The following NUP155 variants were observed in gnomAD, a reference collection of about 807,000 sequenced individuals.
NUP155 encodes nucleoporin 155.
Under a neutral mutation model 180.4 loss-of-function variants are expected in NUP155, and 71 were observed. The observed-to-expected ratio is 0.39, with a 90% confidence interval of 0.33 to 0.48. The LOEUF (loss-of-function observed/expected upper bound fraction) is 0.48, where lower values mean the gene tolerates loss of function less well. Among genes scored for constraint, NUP155 ranks in the 20% least tolerant of loss-of-function variants. The probability of loss-of-function intolerance (pLI) is 0.91; values close to 1 mark genes in which losing one functional copy is unlikely to be tolerated. For missense variants in NUP155, 1,553 were observed against 1,648.9 expected, an observed-to-expected ratio of 0.94 and a Z score of 1.01; for synonymous variants, 582 against 559.5, an observed-to-expected ratio of 1.04 and a Z score of -0.57.
chr5:37,311,936 G>A, intron 22 of NUP155, among the ~76,000 whole-genome samples: 1 of 152,190 alleles, frequency 6.6e-6, no homozygotes, highest in East Asian at 1.9e-4. Context: ...CAGGAGAACT[G>A]CTTGTACCCG....
In NUP155 at chr5:37,290,093, A is replaced by C. The variant is rs111275101; in HGVS notation, c.*1807T>G. 7.0e-4 allele frequency: 106 copies of C among 152,342 alleles called. No individual in the cohort carries two copies. The highest frequency in any genetic ancestry group is 2.5e-3 in the African/African-American group (104 of 41,590). The allele number at this position is 152,342 out of a possible 1,614,324, so 9.4% of individuals were successfully genotyped here. A position where few individuals can be genotyped will look rare whatever the true frequency, so the allele number is the denominator to read the frequency against. ...GGTCTTGGGAAAAGACAATAATGGA[A>C]GGAAAAATATATTCAAAATGTATTG... On this transcript the variant is annotated 3_prime_UTR_variant, in exon 35 of 35. Transcript: ENST00000231498.
At position 37,301,457 on chromosome 5, in the gene NUP155, CAGAATCCAGCTG is replaced by C; in HGVS notation, c.3529_3540del (p.Gln1177_Ser1180del). 6.2e-7 allele frequency: 1 copy of C among 1,609,474 alleles called. No homozygotes were observed. Among genetic ancestry groups the C allele is most frequent in the Non-Finnish European group, 8.5e-7 (1 of 1,175,840 alleles). On this transcript the variant is annotated inframe_deletion, in exon 30 of 35. Coordinates refer to ENST00000231498, the MANE Select transcript of NUP155 (RefSeq NM_153485.3). ...ATTACCTTAGTTATGTCCATCAGCT[CAGAATCCAGCTG>C]AGAAACTGCATCCTGTACAGAAGAA...
At chr5:37,364,045 A>C in intron 2 of NUP155, 61 bp from the exon 3 acceptor site, 1 of 1,343,028 alleles carries the variant, frequency 7.4e-7, no homozygotes, top group African/African-American at 1.4e-5. Context: ...AACTTGTTTC[A>C]ATAGCTTTTG....
rs575781697 is a variant in NUP155 at position 37,327,903 on chromosome 5, C to A, written c.1877-127G>T. On this transcript the variant is annotated intron_variant, in intron 17 of 34. Coordinates refer to ENST00000231498, the MANE Select transcript of NUP155 (RefSeq NM_153485.3). ...CCCATAAAATTCAGAATTCTCATAA[C>A]CCAAGTTTGTGTATCTAGACACAAA... 1.3e-5 allele frequency: 13 copies of A among 1,033,816 alleles called. No individual in the cohort carries two copies. In the African/African-American group the frequency reaches 1.9e-4, roughly 15 times the overall value. 64.0% of individuals were successfully genotyped at this position (1,033,816 alleles called of 1,614,324 possible).
At chr5:37,319,973 A>G (rs1468573669) in intron 20 of NUP155, among the ~76,000 whole-genome samples, 1 of 150,682 alleles carries the variant, frequency 6.6e-6, no homozygotes, top group Non-Finnish European at 1.5e-5. Context: ...ACTTGAGGCC[A>G]AGAGTTTTAG....
intron 11 of NUP155, among the ~76,000 whole-genome samples, chr5:37,339,858 A>G (rs768153994): frequency 1.3e-5 from 2 of 152,068 alleles, no homozygotes; most frequent in Non-Finnish European, 2.9e-5. Context: ...TCACTTCCCC[A>G]GTTCAAGCGA....
chr5:37,354,457 C>CT (rs34505360), intron 4 of NUP155, among the ~76,000 whole-genome samples: 2,406 of 114,976 alleles, frequency 0.021, 56 homozygotes, highest in African/African-American at 0.053. Context: ...TTTATTTCTT[C>CT]TTTTTTTTTT....
At chr5:37,366,949 C>T (rs1008903360) in intron 1 of NUP155, among the ~76,000 whole-genome samples, 2 of 152,014 alleles carry the variant, frequency 1.3e-5, no homozygotes, top group African/African-American at 2.4e-5. Flanking sequence ...CGTGCCCGGC[C>T]GGTCTCAATC....
intron 30 of NUP155, among the ~76,000 whole-genome samples, chr5:37,300,285 T>G (rs981506829): frequency 4.6e-5 from 7 of 152,244 alleles, no homozygotes; most frequent in African/African-American, 1.7e-4. Context: ...CCTTTTGAGT[T>G]ACAAATAATC....
intron 9 of NUP155, among the ~76,000 whole-genome samples, chr5:37,343,499 A>C (rs959429873): frequency 6.6e-6 from 1 of 152,072 alleles, no homozygotes; most frequent in Non-Finnish European, 1.5e-5. Flanking sequence ...GAGTAACCCT[A>C]TTTTCAAACA....
intron 20 of NUP155, among the ~76,000 whole-genome samples, chr5:37,319,599 C>G (rs181879362): frequency 6.6e-6 from 1 of 152,280 alleles, no homozygotes; most frequent in Non-Finnish European, 1.5e-5. Flanking sequence ...GTGCGGATGG[C>G]TCATGCCTAA....
At chr5:37,294,613 T>C in intron 32 of NUP155, 148 bp from the exon 33 acceptor site, 3 of 720,166 alleles carry the variant, frequency 4.2e-6, no homozygotes, top group Non-Finnish European at 7.1e-6. Context: ...TTTGCTATGT[T>C]GCCCAGACTA....
In NUP155 at chr5:37,291,759, T is replaced by C; in HGVS notation, c.*141A>G. On this transcript the variant is annotated 3_prime_UTR_variant, in exon 35 of 35. Transcript: ENST00000231498. ...AAGAATTCATTTAGCAAAGGTACTATTTGTAGATATTAGCCACTTATTAAA... is the reference window on the plus strand; with the variant it reads ...AAGAATTCATTTAGCAAAGGTACTACTTGTAGATATTAGCCACTTATTAAA... 1.4e-6 allele frequency: 1 copy of C among 708,120 alleles called. No individual in the cohort carries two copies. The highest frequency in any genetic ancestry group is 2.8e-5 in the East Asian group (1 of 36,344). 43.9% of individuals were successfully genotyped at this position (708,120 alleles called of 1,614,324 possible). A position where few individuals can be genotyped will look rare whatever the true frequency, so the allele number is the denominator to read the frequency against.
intron 9 of NUP155, among the ~76,000 whole-genome samples, chr5:37,345,701 G>A (rs115278952): frequency 3.3e-5 from 5 of 151,782 alleles, no homozygotes; most frequent in Non-Finnish European, 5.9e-5. Context: ...TCAGGAGTTC[G>A]TAACCATCCT....
In NUP155 at chr5:37,337,810, T is replaced by A. The variant is rs749316007; in HGVS notation, c.1347+8A>T. 2 of 1,555,286 alleles carry A rather than the reference T, an allele frequency of 1.3e-6. No individual in the cohort carries two copies. The highest frequency in any genetic ancestry group is 1.8e-6 in the Non-Finnish European group (2 of 1,126,964). On this transcript the variant is annotated splice_region_variant and intron_variant, in intron 12 of 34. Coordinates refer to ENST00000231498, the MANE Select transcript of NUP155 (RefSeq NM_153485.3). ...AATAGTTTTTTCAGAATTGTCAGGA[T>A]AACTTACCTGGGTTTCCATCATTGG...
intron 12 of NUP155, among the ~76,000 whole-genome samples, chr5:37,335,077 G>A (rs1044396601): frequency 4.6e-5 from 7 of 151,326 alleles, no homozygotes; most frequent in African/African-American, 1.7e-4. Context: ...AGAACTGCTT[G>A]AGCCCGGGAG....
At chr5:37,330,762 A>C (rs1325312609) in intron 14 of NUP155, among the ~76,000 whole-genome samples, 1 of 152,160 alleles carries the variant, frequency 6.6e-6, no homozygotes, top group East Asian at 1.9e-4. Context: ...CAAACCAAAA[A>C]CAACTTGTCC....
chr5:37,370,767 A>G (rs1194816854), intron 1 of NUP155, 54 bp downstream of exon 1: 2 of 1,613,714 alleles, frequency 1.2e-6, no homozygotes, highest in Non-Finnish European at 1.7e-6. Flanking sequence ...GTAGCAAATT[A>G]GGAAGTCAGG....
intron 1 of NUP155, among the ~76,000 whole-genome samples, chr5:37,369,658 T>C (rs1237429337): frequency 6.6e-6 from 1 of 152,164 alleles, no homozygotes; most frequent in Non-Finnish European, 1.5e-5. Flanking sequence ...TAAGTAGCTG[T>C]AGGGAGCAAA....
Sources: gnomAD v4.1 joint callset for allele counts (sites outside exome capture counted in the v4.1 genomes callset) on GRCh38, gnomAD v4.1.1 for gene constraint, MANE v1.5 for transcripts, NCBI Gene and HGNC (gene_info 2026-07-23, HGNC 2026-07-21) for gene names.